The following FRMPD1 variants were observed in gnomAD, a reference collection of about 807,000 sequenced individuals.
The protein encoded by FRMPD1 is FERM and PDZ domain containing 1, also known as FERM and PDZ domain-containing protein 1.
In FRMPD1, 76 loss-of-function variants were observed where a neutral mutation model predicts 117.8. That is an observed-to-expected ratio of 0.65 (90% confidence interval 0.54 to 0.78). The LOEUF (loss-of-function observed/expected upper bound fraction) is 0.78, where lower values mean the gene tolerates loss of function less well. FRMPD1 is among the 30% of genes least tolerant of loss of function. The pLI, the probability that FRMPD1 is intolerant of heterozygous loss-of-function variation, is 0.00. For synonymous variants in FRMPD1, 783 were observed against 770.4 expected (o/e 1.02, Z -0.27); for missense variants, 1,786 against 1,964.5 (o/e 0.91, Z 1.72).
chr9:37,614,350 C>T, the FRMPD1 span, among the ~76,000 whole-genome samples: 1 of 152,202 alleles, frequency 6.6e-6, no homozygotes, highest in African/African-American at 2.4e-5. Context: ...ATGGGGAAGG[C>T]AGGCTGGGAT....
intron 2 of FRMPD1, among the ~76,000 whole-genome samples, chr9:37,701,503 G>A (rs893652262): frequency 1.7e-5 from 2 of 117,534 alleles, no homozygotes; most frequent in African/African-American, 5.6e-5. Flanking sequence ...GCGTGTGTGT[G>A]CATGTACGTG....
intron 1 of FRMPD1, among the ~76,000 whole-genome samples, chr9:37,654,400 G>A (rs1210768851): frequency 2.0e-5 from 3 of 152,198 alleles, no homozygotes; most frequent in African/African-American, 7.2e-5. Flanking sequence ...ATCTGTAAGA[G>A]GTAGGGTAGT....
At chr9:37,684,941 C>T (rs1821869033) in intron 1 of FRMPD1, among the ~76,000 whole-genome samples, 1 of 151,956 alleles carries the variant, frequency 6.6e-6, no homozygotes, top group Admixed American at 6.6e-5. Flanking sequence ...TTTCAGTACA[C>T]ACAGGATTTC....
chr9:37,677,444 T>C lies in FRMPD1; in HGVS notation c.-4-15194T>C, dbSNP rs550993998. Among the ~76,000 whole-genome samples the C allele has an allele frequency of 5.3e-5, 8 of 152,322 alleles. No homozygotes were observed. In the South Asian group the frequency reaches 1.7e-3, roughly 32 times the overall value. ...CCTTCTGAAATGAAGAATAACATCA[T>C]AGCTGCTGTCATTGAGGACTTTCTT... On this transcript the variant is annotated intron_variant, in intron 1 of 15. Coordinates refer to ENST00000377765, the MANE Select transcript of FRMPD1 (RefSeq NM_014907.3).
At chr9:37,711,702 G>A (rs1822916330) in intron 5 of FRMPD1, among the ~76,000 whole-genome samples, 1 of 152,200 alleles carries the variant, frequency 6.6e-6, no homozygotes, top group Non-Finnish European at 1.5e-5. Flanking sequence ...GGTTTGAGTG[G>A]TATGACTTTG....
Position 37,731,096 on chromosome 9 carries a change from A to G in FRMPD1, c.851A>G (p.Tyr284Cys), listed in dbSNP as rs772147925. The change falls in exon 9 of 16, where the codon TAT becomes TGT. Residue 284 changes from tyrosine (Y) to cysteine (C), a missense_variant. By Grantham distance (194) the Tyr-to-Cys change is radical. Coordinates refer to ENST00000377765, the MANE Select transcript of FRMPD1 (RefSeq NM_014907.3). ...KEDPVAFEYL[Y>C]LQSCSDVLQE... ...GACCCCGTGGCCTTTGAATACCTCT[A>G]TCTGCAGGTGACTGGGTCTGTGCTT... is the stretch of plus-strand genomic sequence containing the variant. 5 of 1,613,474 alleles carry G rather than the reference A, an allele frequency of 3.1e-6. No individual in the cohort carries two copies. The South Asian group carries it at 3.3e-5, about 11-fold the overall frequency.
At chr9:37,739,627 T>C (rs1179887835) in intron 14 of FRMPD1, among the ~76,000 whole-genome samples, 1 of 152,126 alleles carries the variant, frequency 6.6e-6, no homozygotes, top group Non-Finnish European at 1.5e-5. Flanking sequence ...GCCCCACTTC[T>C]AGCGATCTGA....
At chr9:37,714,708 G>A (rs868838060) in intron 5 of FRMPD1, among the ~76,000 whole-genome samples, 8 of 151,336 alleles carry the variant, frequency 5.3e-5, no homozygotes, top group African/African-American at 1.7e-4. Context: ...GTGCAGTGGC[G>A]TGATCTTGGC....
In FRMPD1 at chr9:37,740,328, C is replaced by T. The variant is rs532538261; in HGVS notation, c.1800C>T (p.Tyr600=). 5 of 1,613,900 alleles carry T rather than the reference C, an allele frequency of 3.1e-6. No individual in the cohort carries two copies. In the African/African-American group the frequency reaches 4.0e-5, roughly 13 times the overall value. ...CAGCCAACACTGAGAGCCGCGGCTACAGGACCAGTGGCTCGAGTGAGTCCA... is the reference window on the plus strand; with the variant it reads ...CAGCCAACACTGAGAGCCGCGGCTATAGGACCAGTGGCTCGAGTGAGTCCA... The part of the protein sequence containing the change: ...SDSANTESRG[Y]RTSGSSESMD... The change falls in exon 15 of 16, where the codon TAC becomes TAT. Residue 600 remains tyrosine, a synonymous_variant. Transcript: ENST00000377765. The surrounding 1 kb of genome is among the most constrained non-coding windows in gnomAD (Gnocchi z 4.2).
At chr9:37,738,059 G>A (rs1474307572) in intron 14 of FRMPD1, among the ~76,000 whole-genome samples, 1 of 152,162 alleles carries the variant, frequency 6.6e-6, no homozygotes, top group Non-Finnish European at 1.5e-5. Flanking sequence ...ACCTAGGGCT[G>A]TGCTGATAAA....
intron 13 of FRMPD1, 95 bp downstream of exon 13, chr9:37,735,829 G>A (rs939974725): frequency 1.3e-6 from 1 of 793,464 alleles, no homozygotes; most frequent in African/African-American, 1.7e-5. Context: ...TAATAATAAA[G>A]TCTAATGTCC....
chr9:37,683,434 CA>C (rs1821799833), intron 1 of FRMPD1, among the ~76,000 whole-genome samples: 1 of 152,226 alleles, frequency 6.6e-6, no homozygotes, highest in Non-Finnish European at 1.5e-5. Context: ...GGGCAGGGAT[CA>C]TTATCATTGT....
chr9:37,698,156 T>C (rs1822394535), intron 2 of FRMPD1, among the ~76,000 whole-genome samples: 1 of 152,218 alleles, frequency 6.6e-6, no homozygotes, highest in South Asian at 2.1e-4. Flanking sequence ...AATGGGATTC[T>C]TTTCCTTCGC....
intron 1 of FRMPD1, among the ~76,000 whole-genome samples, chr9:37,662,362 T>C (rs2119389043): frequency 6.6e-6 from 1 of 152,302 alleles, no homozygotes; most frequent in South Asian, 2.1e-4. Flanking sequence ...GCACATGAAC[T>C]TTGGGGGGTA....
the FRMPD1 span, among the ~76,000 whole-genome samples, chr9:37,641,100 C>T: frequency 6.6e-6 from 1 of 152,218 alleles, no homozygotes; most frequent in Non-Finnish European, 1.5e-5. Context: ...GTTACCCAGG[C>T]TGGTCCTGGA....
chr9:37,719,609 T>C (rs1350272181), intron 6 of FRMPD1, among the ~76,000 whole-genome samples: 1 of 152,242 alleles, frequency 6.6e-6, no homozygotes, highest in East Asian at 1.9e-4. Context: ...AAACTTTGTG[T>C]GTACAGTCCT....
chr9:37,645,937 T>A, the FRMPD1 span, among the ~76,000 whole-genome samples: 1 of 152,234 alleles, frequency 6.6e-6, no homozygotes, highest in Non-Finnish European at 1.5e-5. Context: ...TCATCAGGTA[T>A]CATTGCCTCT....
chr9:37,728,796 C>T (rs1823726496), intron 7 of FRMPD1, among the ~76,000 whole-genome samples: 1 of 151,930 alleles, frequency 6.6e-6, no homozygotes, highest in Non-Finnish European at 1.5e-5. Context: ...AACTCCATCT[C>T]TACTAAAAAT....
At chr9:37,665,704 C>T (rs1356178323) in intron 1 of FRMPD1, among the ~76,000 whole-genome samples, 8 of 152,180 alleles carry the variant, frequency 5.3e-5, no homozygotes, top group African/African-American at 1.4e-4. Context: ...GAAGTCTTCA[C>T]TGGGCTTTCT....
Sources: allele counts gnomAD v4.1 joint callset (sites outside exome capture counted in the v4.1 genomes callset), GRCh38; gene constraint gnomAD v4.1.1; non-coding constraint Gnocchi (gnomAD v3.1); transcripts MANE v1.5; gene names NCBI Gene and HGNC (gene_info 2026-07-23, HGNC 2026-07-21).